Variants in PCNT observed in about 807,000 individuals in gnomAD.
PCNT encodes pericentrin.
Under a neutral mutation model 380.4 loss-of-function variants are expected in PCNT, and 319 were observed. The ratio of observed to expected loss-of-function variants is 0.84; its 90% CI spans 0.77 to 0.92. The LOEUF is 0.92. PCNT is among the 40% of genes least tolerant of loss of function. The pLI, the probability that PCNT is intolerant of heterozygous loss-of-function variation, is 0.00. For missense variants in PCNT, 4,400 were observed against 4,255.3 expected, an observed-to-expected ratio of 1.03 and a Z score of -0.95; for synonymous variants, 1,845 against 1,735.2, an observed-to-expected ratio of 1.06 and a Z score of -1.57.
intron 40 of PCNT, 51 bp downstream of exon 40, chr21:46,437,132 G>C (rs779558095): frequency 8.3e-6 from 10 of 1,207,496 alleles, no homozygotes; most frequent in African/African-American, 1.5e-5. Flanking sequence ...CCCCAGAGGG[G>C]CCCTCTCGGC....
chr21:46,426,279 G>T (rs944554368), intron 33 of PCNT, among the ~76,000 whole-genome samples: 1 of 151,964 alleles, frequency 6.6e-6, no homozygotes, highest in South Asian at 2.1e-4. Flanking sequence ...TGATCCACCC[G>T]CCTCAGCCTC....
intron 15 of PCNT, among the ~76,000 whole-genome samples, chr21:46,377,403 A>G (rs537639656): frequency 2.6e-5 from 4 of 152,224 alleles, no homozygotes; most frequent in African/African-American, 7.2e-5. Flanking sequence ...ACCTTTTCAC[A>G]TGCCAAGTCA....
chr21:46,385,813 T>A lies in PCNT; in HGVS notation c.3313-19T>A. 6.2e-7 allele frequency: 1 copy of A among 1,613,988 alleles called. No individual in the cohort carries two copies. The highest frequency in any genetic ancestry group is 8.5e-7 in the Non-Finnish European group (1 of 1,179,842). ...AACCAAATTGTTTTAACGAAAGCTT[T>A]AACCATTTTTCTCGATAGCTGAAAG... On this transcript the variant is annotated intron_variant, in intron 16 of 46. Transcript: ENST00000359568.
chr21:46,442,852 T>C (rs1434879735), intron 44 of PCNT: 2 of 499,654 alleles, frequency 4.0e-6, no homozygotes, highest in African/African-American at 3.9e-5. Context: ...TTTAGCAAAA[T>C]GGTCTTTTTT....
chr21:46,405,994 T>TATA, intron 27 of PCNT, among the ~76,000 whole-genome samples: 1 of 152,358 alleles, frequency 6.6e-6, no homozygotes, highest in East Asian at 1.9e-4. Flanking sequence ...TTTTGCTTTA[T>TATA]ATAATAAAGA....
In PCNT at chr21:46,390,683, G is replaced by T; in HGVS notation, c.3854G>T (p.Arg1285Leu). 1 of 1,614,088 alleles carries T rather than the reference G, an allele frequency of 6.2e-7. No individual in the cohort carries two copies. The highest frequency in any genetic ancestry group is 8.5e-7 in the Non-Finnish European group (1 of 1,179,978). The part of the protein sequence containing the change: ...LDSSRQLEEA[R>L]QIHSRFEKEF... ...GTGTTTTAACAGCTGGAAGAAGCAC[G>T]CCAAATTCATTCTCGTTTTGAAAAA... The change falls in exon 20 of 47, where the codon CGC becomes CTC. Residue 1285 changes from arginine to leucine, a missense_variant. By Grantham distance (102) the Arg-to-Leu change is moderately radical. Transcript: ENST00000359568.
In PCNT at chr21:46,431,198, AG is replaced by A. The variant is rs2087748596; in HGVS notation, c.8065-326del. The A allele has an allele frequency of 1.3e-5, 16 of 1,223,862 alleles. No individual in the cohort carries two copies. In the South Asian group the frequency reaches 2.7e-4, roughly 21 times the overall value. 75.8% of individuals were successfully genotyped at this position (1,223,862 alleles called of 1,614,324 possible). A position where few individuals can be genotyped will look rare whatever the true frequency, so the allele number is the denominator to read the frequency against. Reference sequence around the variant, plus strand: ...CCTCTGGTGGAGTGATTTTCTGAAGAGGGGGCAGGAGCCTCTGGTGGAGTGA... The same window carrying A: ...CCTCTGGTGGAGTGATTTTCTGAAGAGGGGCAGGAGCCTCTGGTGGAGTGA... On this transcript the variant is annotated intron_variant, in intron 37 of 46. Coordinates refer to ENST00000359568, the MANE Select transcript of PCNT (RefSeq NM_006031.6).
Position 46,431,648 on chromosome 21 carries a change from C to A in PCNT, c.8184C>A (p.Arg2728=). 2 of 1,613,846 alleles carry A rather than the reference C, an allele frequency of 1.2e-6. No homozygotes were observed. Among genetic ancestry groups the A allele is most frequent in the South Asian group, 2.2e-5 (2 of 91,090 alleles). Residue 2728 remains arginine, a synonymous_variant, in exon 38 of 47, where the codon CGC becomes CGA. Coordinates refer to ENST00000359568, the MANE Select transcript of PCNT (RefSeq NM_006031.6). ...AGGAGCTGCGTATCGAGCACTCACG[C>A]TGCGAGGCCTTGCTGGCTCAGGAGC... ...LQKELRIEHS[R]CEALLAQERS... is the part of the protein sequence containing the mutation.
Position 46,425,349 on chromosome 21 carries a change from C to T in PCNT, c.7180-482C>T, listed in dbSNP as rs1351893890. Among the ~76,000 whole-genome samples, 2 of 152,260 alleles carry T rather than the reference C, an allele frequency of 1.3e-5. No homozygotes were observed. Among genetic ancestry groups the T allele is most frequent in the South Asian group, 2.1e-4 (1 of 4,834 alleles). ...GCCCAGCACAGGCAGCTTCACCCCA[C>T]GCTGGTGGTCGGCACTGGCCTCAGC... On this transcript the variant is annotated intron_variant, in intron 32 of 46. Coordinates refer to ENST00000359568, the MANE Select transcript of PCNT (RefSeq NM_006031.6). This position sits in a 1 kb window ranked among gnomAD's most constrained non-coding sequence, Gnocchi z 4.2.
chr21:46,366,525 C>A, intron 14 of PCNT, 59 bp from the exon 15 acceptor site: 1 of 1,456,926 alleles, frequency 6.9e-7, no homozygotes, highest in Non-Finnish European at 9.6e-7. Flanking sequence ...TTGGCTTTTG[C>A]AAGGGTCATT....
chr21:46,436,055 T>C lies in PCNT; in HGVS notation c.8903T>C (p.Leu2968Pro). The change falls in exon 39 of 47, where the codon CTC becomes CCC. Residue 2968 changes from leucine (L) to proline (P), a missense_variant. Transcript: ENST00000359568. ...GCTGCCGGCTCGGATGCGGACCACCTCCGGGAACAGCAGCGAGAGCTGGAG... is the reference window on the plus strand; with the variant it reads ...GCTGCCGGCTCGGATGCGGACCACCCCCGGGAACAGCAGCGAGAGCTGGAG... ...RRAAGSDADH[L>P]REQQRELEAM... The C allele has an allele frequency of 6.2e-7, 1 of 1,613,488 alleles. No homozygotes were observed. The highest frequency in any genetic ancestry group is 8.5e-7 in the Non-Finnish European group (1 of 1,179,934).
At chr21:46,382,886 G>A (rs1358951832) in intron 16 of PCNT, among the ~76,000 whole-genome samples, 15 of 128,342 alleles carry the variant, frequency 1.2e-4, no homozygotes, top group East Asian at 6.7e-4. Flanking sequence ...ATTCAGTGGC[G>A]GAAGCGCATT....
intron 15 of PCNT, among the ~76,000 whole-genome samples, chr21:46,378,524 A>G (rs1393191704): frequency 1.3e-5 from 2 of 151,854 alleles, no homozygotes; most frequent in Non-Finnish European, 2.9e-5. Flanking sequence ...CCACGTGGAT[A>G]ACGCCGGACA....
intron 3 of PCNT, among the ~76,000 whole-genome samples, chr21:46,341,575 C>G (rs1383341145): frequency 6.6e-6 from 1 of 151,764 alleles, no homozygotes; most frequent in Non-Finnish European, 1.5e-5. Flanking sequence ...CTATATTGAC[C>G]AGGGTAGGCT....
At chr21:46,383,136 A>G (rs1305887276) in intron 16 of PCNT, among the ~76,000 whole-genome samples, 3 of 147,282 alleles carry the variant, frequency 2.0e-5, no homozygotes, top group African/African-American at 7.5e-5. Context: ...AAGCCCATTC[A>G]CGGTGTTGTG....
chr21:46,424,192 TGA>T (rs1466730828), intron 32 of PCNT, among the ~76,000 whole-genome samples: 5 of 152,172 alleles, frequency 3.3e-5, no homozygotes, highest in Non-Finnish European at 7.4e-5. Flanking sequence ...CTGAGGAGGC[TGA>T]GAGGTCCTGA....
At chr21:46,347,970 C>A (rs1183232110) in intron 6 of PCNT, among the ~76,000 whole-genome samples, 1 of 152,210 alleles carries the variant, frequency 6.6e-6, no homozygotes, top group Non-Finnish European at 1.5e-5. Flanking sequence ...CCCGTCATTG[C>A]CAGGCCCTCC....
chr21:46,378,647 T>C (rs1428901880), intron 15 of PCNT, among the ~76,000 whole-genome samples: 6 of 152,208 alleles, frequency 3.9e-5, no homozygotes, highest in Admixed American at 1.3e-4. Flanking sequence ...ATACGATATT[T>C]TCAAAATGAC....
chr21:46,371,029 C>A (rs561604325), intron 15 of PCNT, among the ~76,000 whole-genome samples: 1 of 151,520 alleles, frequency 6.6e-6, no homozygotes, highest in Non-Finnish European at 1.5e-5. Flanking sequence ...AGCGAGACTC[C>A]GTCTCAAAAA....
Sources: allele counts gnomAD v4.1 joint callset (sites outside exome capture counted in the v4.1 genomes callset), GRCh38; gene constraint gnomAD v4.1.1; non-coding constraint Gnocchi (gnomAD v3.1); transcripts MANE v1.5; gene names NCBI Gene and HGNC (gene_info 2026-07-23, HGNC 2026-07-21).